The following UTY variants were observed in gnomAD, a reference collection of about 807,000 sequenced individuals.
The protein encoded by UTY is histone demethylase UTY.
Under a neutral mutation model 32.5 loss-of-function variants are expected in UTY, and 12 were observed. The observed-to-expected ratio is 0.37, with a 90% confidence interval of 0.24 to 0.60. The LOEUF (loss-of-function observed/expected upper bound fraction) is 0.60, where lower values mean the gene tolerates loss of function less well. Among genes scored for constraint, UTY ranks in the 20% least tolerant of loss-of-function variants. The probability of loss-of-function intolerance (pLI) is 0.69; values close to 1 mark genes in which losing one functional copy is unlikely to be tolerated. For missense variants in UTY, 303 were observed against 299.2 expected, an observed-to-expected ratio of 1.01 and a Z score of -0.09; for synonymous variants, 131 against 103.4, an observed-to-expected ratio of 1.27 and a Z score of -1.62.
chrY:13,465,246 T>C (rs2077806759), intron 3 of UTY, among the ~76,000 whole-genome samples: 1 of 33,877 alleles, frequency 3.0e-5, no homozygotes, highest in African/African-American at 1.2e-4. Flanking sequence ...GAACGTCATG[T>C]GCCAATGTGC....
intron 21 of UTY, among the ~76,000 whole-genome samples, chrY:13,321,368 C>A (rs2059823874): frequency 3.0e-5 from 1 of 33,110 alleles, no homozygotes; most frequent in Non-Finnish European, 7.5e-5. Flanking sequence ...GACTCATTTT[C>A]TTCTGAAATG....
intron 25 of UTY, among the ~76,000 whole-genome samples, chrY:13,302,299 G>A (rs779040476): frequency 9.0e-5 from 3 of 33,445 alleles, no homozygotes; most frequent in Non-Finnish European, 1.5e-4. Flanking sequence ...AAAAACAATC[G>A]TAAGTAAAAT....
chrY:13,235,250 G>T, intron 28 of UTY, among the ~76,000 whole-genome samples: 1 of 33,555 alleles, frequency 3.0e-5, no homozygotes, highest in Non-Finnish European at 7.4e-5. Flanking sequence ...CCAAGCCTGT[G>T]GGGGAGGGAT....
chrY:13,286,808 T>C, intron 27 of UTY: 1 of 365,229 alleles, frequency 2.7e-6, no homozygotes, highest in Non-Finnish European at 4.0e-6. Context: ...AGAAAGTACC[T>C]GACAAATTAT....
intron 6 of UTY, among the ~76,000 whole-genome samples, chrY:13,402,588 A>G: frequency 3.0e-5 from 1 of 33,090 alleles, no homozygotes; most frequent in Non-Finnish European, 7.5e-5. Flanking sequence ...AGGGTCCCAT[A>G]CCCTGTCAGC....
At chrY:13,472,867 T>C in intron 2 of UTY, among the ~76,000 whole-genome samples, 3 of 33,581 alleles carry the variant, frequency 8.9e-5, no homozygotes, top group South Asian at 1.3e-3. Flanking sequence ...AAAGAAAACA[T>C]TGAACAAAAA....
chrY:13,237,783 T>A (rs2053864680), intron 28 of UTY, among the ~76,000 whole-genome samples: 1 of 33,117 alleles, frequency 3.0e-5, no homozygotes, highest in Admixed American at 2.7e-4. Context: ...CTCTGGAATT[T>A]AGGTATAACC....
At chrY:13,426,600 G>T (rs1050874599) in intron 4 of UTY, among the ~76,000 whole-genome samples, 1 of 32,945 alleles carries the variant, frequency 3.0e-5, no homozygotes, top group Non-Finnish European at 7.6e-5. Flanking sequence ...AAGAAATATC[G>T]CATTCAATAG....
At chrY:13,338,446 G>A in intron 17 of UTY, among the ~76,000 whole-genome samples, 1 of 28,451 alleles carries the variant, frequency 3.5e-5, no homozygotes, top group Admixed American at 3.2e-4. Context: ...AGGAGACAGA[G>A]GTTGCAGTGA....
chrY:13,353,631 G>C, intron 17 of UTY, among the ~76,000 whole-genome samples: 1 of 34,034 alleles, frequency 2.9e-5, no homozygotes, highest in South Asian at 6.4e-4. Context: ...GCAAAGGAAA[G>C]GGAAAACTTT....
chrY:13,367,190 C>T, intron 9 of UTY, among the ~76,000 whole-genome samples: 1 of 33,314 alleles, frequency 3.0e-5, no homozygotes, highest in Non-Finnish European at 7.4e-5. Context: ...AAAATATAAT[C>T]CTTTATAAAA....
chrY:13,306,352 T>A, intron 21 of UTY, 102 bp from the exon 22 acceptor site: 1 of 176,213 alleles, frequency 5.7e-6, no homozygotes, highest in Non-Finnish European at 9.8e-6. Context: ...TTGACTATTT[T>A]TGAGAAATAA....
chrY:13,341,470 G>C, intron 17 of UTY, among the ~76,000 whole-genome samples: 3 of 32,550 alleles, frequency 9.2e-5, no homozygotes, highest in Non-Finnish European at 1.5e-4. Flanking sequence ...CAATGTGCGA[G>C]AGGCAAGCAG....
chrY:13,436,461 CG>C, intron 4 of UTY, among the ~76,000 whole-genome samples: 1 of 32,757 alleles, frequency 3.1e-5, no homozygotes, highest in Non-Finnish European at 7.5e-5. Flanking sequence ...CAAAGTCAAG[CG>C]GGGTCTGGCG....
chrY:13,326,344 T>C lies in UTY; in HGVS notation c.2841A>G (p.Pro947=). The change falls in exon 19 of 30, where the codon CCA becomes CCG. Residue 947 remains proline (P), a synonymous_variant. Transcript: ENST00000545955. The part of the protein sequence containing the change: ...STEVLKACRN[P]GKNGLSNSCI... Reference sequence around the variant, plus strand: ...AGCTATTAGACAAGCCATTTTTACCTGGATTCCTTTAAAAAGAAGCAGAAG... The same window carrying C: ...AGCTATTAGACAAGCCATTTTTACCCGGATTCCTTTAAAAAGAAGCAGAAG... 2.5e-6 allele frequency: 1 copy of C among 394,498 alleles called. No individual in the cohort carries two copies. The highest frequency in any genetic ancestry group is 3.6e-6 in the Non-Finnish European group (1 of 280,695).
At chrY:13,313,843 C>T (rs776183715) in intron 21 of UTY, among the ~76,000 whole-genome samples, 13 of 33,418 alleles carry the variant, frequency 3.9e-4, no homozygotes, top group African/African-American at 1.5e-3. Context: ...GTGGTGTATA[C>T]AGACAATGGA....
chrY:13,422,647 T>C (rs558346872), intron 4 of UTY, among the ~76,000 whole-genome samples: 37 of 33,624 alleles, frequency 1.1e-3, no homozygotes, highest in African/African-American at 3.9e-3. Flanking sequence ...AAACAACTGA[T>C]ATAAACTCCG....
At chrY:13,324,386 C>T (rs1603399973) in intron 20 of UTY, among the ~76,000 whole-genome samples, 1 of 32,880 alleles carries the variant, frequency 3.0e-5, no homozygotes, top group East Asian at 7.9e-4. Flanking sequence ...TGTTATTATC[C>T]GTATATATCT....
At chrY:13,287,862 C>T (rs2148656660) in intron 27 of UTY, among the ~76,000 whole-genome samples, 8 of 32,794 alleles carry the variant, frequency 2.4e-4, no homozygotes, top group Admixed American at 2.2e-3. Flanking sequence ...TATCTCTAGG[C>T]ATCAATAAGA....
Sources: gnomAD v4.1 joint callset for allele counts (sites outside exome capture counted in the v4.1 genomes callset) on GRCh38, gnomAD v4.1.1 for gene constraint, MANE v1.5 for transcripts, NCBI Gene and HGNC (gene_info 2026-07-23, HGNC 2026-07-21) for gene names.